DSG1: variants seen among roughly 807,000 people sequenced by gnomAD.
DSG1 encodes desmoglein-1.
A neutral mutation model predicts 97.5 loss-of-function variants in DSG1; 39 were observed. That is an observed-to-expected ratio of 0.40 (90% CI 0.31 to 0.52). The LOEUF is 0.52. DSG1 is among the 20% of genes least tolerant of loss of function. DSG1 has a pLI of 0.53. For missense variants in DSG1, 1,311 were observed against 1,295.4 expected (o/e 1.01, Z -0.18); for synonymous variants, 475 against 443.4 (o/e 1.07, Z -0.90).
chr18:31,329,700 C>A (rs1396142632), intron 4 of DSG1, among the ~76,000 whole-genome samples, 192 bp from the exon 5 acceptor site: 1 of 151,610 alleles, frequency 6.6e-6, no homozygotes, highest in African/African-American at 2.4e-5. Context: ...TAATATAAAC[C>A]CCCATGTAGC....
Position 31,354,697 on chromosome 18 carries a change from A to T in DSG1, c.2501A>T (p.Asn834Ile), listed in dbSNP as rs1253010832. The T allele has an allele frequency of 6.1e-5, 99 of 1,614,108 alleles. No individual in the cohort carries two copies. The highest frequency in any genetic ancestry group is 8.3e-5 in the Non-Finnish European group (98 of 1,180,020). ...KPILDPLGYGNVTVTESYTTS... is the reference protein window; with the variant it reads ...KPILDPLGYGIVTVTESYTTS... ...ATTCTCGATCCTCTGGGCTATGGTAATGTCACTGTGACCGAGTCTTACACC... is the reference window on the plus strand; with the variant it reads ...ATTCTCGATCCTCTGGGCTATGGTATTGTCACTGTGACCGAGTCTTACACC... Residue 834 changes from asparagine (N) to isoleucine (I), a missense_variant, in exon 15 of 15, where the codon AAT (asparagine) becomes ATT (isoleucine). Coordinates refer to ENST00000257192, the MANE Select transcript of DSG1 (RefSeq NM_001942.4).
chr18:31,354,304 A>C lies in DSG1; in HGVS notation c.2108A>C (p.Tyr703Ser), dbSNP rs750155269. ...TTTCTCCTATAAATTCAGAAAGCAT[A>C]TGCTTACGCAGATGAAGATGAAGGA... ...FMESYFCQKA[Y>S]AYADEDEGRP... Residue 703 changes from tyrosine to serine, a missense_variant, in exon 15 of 15, where the codon TAT (tyrosine) becomes TCT (serine). Tyr to Ser is a moderately radical substitution (Grantham distance 144). This residue lies in a region of DSG1 where 1,038 missense variants were observed against 964.6 expected (regional missense o/e 1.08). Coordinates refer to ENST00000257192, the MANE Select transcript of DSG1 (RefSeq NM_001942.4). 3.7e-6 allele frequency: 6 copies of C among 1,613,764 alleles called. No homozygotes were observed. Among genetic ancestry groups the C allele is most frequent in the Non-Finnish European group, 5.1e-6 (6 of 1,179,750 alleles).
At chr18:31,323,640 CA>C (rs920495890) in intron 1 of DSG1, among the ~76,000 whole-genome samples, 5 of 150,920 alleles carry the variant, frequency 3.3e-5, no homozygotes, top group Admixed American at 6.6e-5. Context: ...TACCCTCTCT[CA>C]AAAAAAAATG....
chr18:31,333,584 T>C lies in DSG1; in HGVS notation c.685-5T>C. 2 of 1,613,784 alleles carry C rather than the reference T, an allele frequency of 1.2e-6. No homozygotes were observed. The highest frequency in any genetic ancestry group is 8.5e-7 in the Non-Finnish European group (1 of 1,179,732). ...TGTGATATTGCCTGTAATATGTATTTTTAGCAATACGGCCAGTATGCTCTT... is the reference window on the plus strand; with the variant it reads ...TGTGATATTGCCTGTAATATGTATTCTTAGCAATACGGCCAGTATGCTCTT... On this transcript the variant is annotated splice_polypyrimidine_tract_variant and splice_region_variant and intron_variant, in intron 6 of 14. Coordinates refer to ENST00000257192, the MANE Select transcript of DSG1 (RefSeq NM_001942.4).
chr18:31,339,666 A>G, intron 10 of DSG1, 78 bp from the exon 11 acceptor site: 2 of 1,143,536 alleles, frequency 1.7e-6, no homozygotes, highest in South Asian at 2.9e-5. Context: ...ATGTTAATGT[A>G]AAAAATAATT....
At chr18:31,343,622 C>T (rs1194400214) in intron 12 of DSG1, 39 bp downstream of exon 12, 1 of 1,614,016 alleles carries the variant, frequency 6.2e-7, no homozygotes, top group Non-Finnish European at 8.5e-7. Context: ...TTGGTAGTCA[C>T]TGAAATTCAG....
chr18:31,322,293 C>A (rs2071659108), intron 1 of DSG1, among the ~76,000 whole-genome samples: 1 of 152,180 alleles, frequency 6.6e-6, no homozygotes, highest in Non-Finnish European at 1.5e-5. Flanking sequence ...AGCAGAGGTA[C>A]CACAAGGAAG....
At chr18:31,347,719 C>T (rs1378742307) in intron 14 of DSG1, 1 of 152,122 alleles carries the variant, frequency 6.6e-6, no homozygotes, top group Non-Finnish European at 1.5e-5. Flanking sequence ...TCTTTGATCA[C>T]CTTTAATTTT....
In DSG1 at chr18:31,333,592, T is replaced by C. The variant is rs371339794; in HGVS notation, c.688T>C (p.Tyr230His). The change falls in exon 7 of 15, where the codon TAC becomes CAC. Residue 230 changes from tyrosine (Y) to histidine (H), a missense_variant. Around this residue, in one of 3 missense-constraint regions of DSG1, gnomAD observed 259 missense variants for 304.1 expected, o/e 0.85. Transcript: ENST00000257192. The part of the protein sequence containing the change: ...TMNNFLDREQ[Y>H]GQYALAVRGS... ...TGCCTGTAATATGTATTTTTAGCAA[T>C]ACGGCCAGTATGCTCTTGCTGTAAG... is the stretch of plus-strand genomic sequence containing the variant. 1 of 1,613,834 alleles carries C rather than the reference T, an allele frequency of 6.2e-7. No individual in the cohort carries two copies. Among genetic ancestry groups the C allele is most frequent in the African/African-American group, 1.3e-5 (1 of 75,016 alleles).
At chr18:31,329,840 A>T (rs1009802208) in intron 4 of DSG1, 52 bp from the exon 5 acceptor site, 1 of 1,596,708 alleles carries the variant, frequency 6.3e-7, no homozygotes, top group African/African-American at 1.3e-5. Flanking sequence ...TCAAAGTAAG[A>T]ACTTAATAAA....
chr18:31,340,561 A>AG (rs1363390918), intron 11 of DSG1, among the ~76,000 whole-genome samples: 1 of 151,934 alleles, frequency 6.6e-6, no homozygotes, highest in East Asian at 1.9e-4. Context: ...CTCAAAAAAA[A>AG]AAAAAAGAAA....
chr18:31,322,054 G>A (rs891308678), intron 1 of DSG1, among the ~76,000 whole-genome samples: 2 of 152,148 alleles, frequency 1.3e-5, no homozygotes, highest in South Asian at 4.1e-4. Context: ...TTTTTTAAAT[G>A]CCATTGGCTG....
intron 9 of DSG1, among the ~76,000 whole-genome samples, chr18:31,337,164 C>T (rs1215375783): frequency 1.3e-5 from 2 of 152,208 alleles, no homozygotes. Context: ...GCACATGTAC[C>T]TGTATTTGCA....
Position 31,354,385 on chromosome 18 carries a change from C to T in DSG1, c.2189C>T (p.Ala730Val). The change falls in exon 15 of 15, where the codon GCT becomes GTT. Residue 730 changes from alanine to valine, a missense_variant. Coordinates refer to ENST00000257192, the MANE Select transcript of DSG1 (RefSeq NM_001942.4). The part of the protein sequence containing the change: ...IYDIEGVGSP[A>V]GSVGCCSFIG... ...GACATCGAAGGTGTAGGTTCCCCTGCTGGCTCTGTGGGTTGTTGTAGCTTC... is the reference window on the plus strand; with the variant it reads ...GACATCGAAGGTGTAGGTTCCCCTGTTGGCTCTGTGGGTTGTTGTAGCTTC... 1 of 1,614,192 alleles carries T rather than the reference C, an allele frequency of 6.2e-7. No individual in the cohort carries two copies. The highest frequency in any genetic ancestry group is 8.5e-7 in the Non-Finnish European group (1 of 1,180,034).
intron 5 of DSG1, among the ~76,000 whole-genome samples, chr18:31,330,263 G>A (rs985988728): frequency 1.3e-5 from 2 of 152,144 alleles, no homozygotes; most frequent in African/African-American, 4.8e-5. Context: ...GGCCAGCCCT[G>A]TAGAAGAGTC....
intron 3 of DSG1, 117 bp from the exon 4 acceptor site, chr18:31,328,072 C>T (rs2071697372): frequency 1.9e-6 from 2 of 1,028,282 alleles, no homozygotes; most frequent in Non-Finnish European, 2.8e-6. Flanking sequence ...TCTCCATTGA[C>T]AACATTTCCT....
chr18:31,332,331 A>C (rs551729926), intron 6 of DSG1, among the ~76,000 whole-genome samples: 4 of 152,242 alleles, frequency 2.6e-5, no homozygotes, highest in Non-Finnish European at 5.9e-5. Context: ...AGCTCCATTG[A>C]CAACAGAATT....
chr18:31,331,681 C>A lies in DSG1; in HGVS notation c.518-20C>A. 1 of 1,610,302 alleles carries A rather than the reference C, an allele frequency of 6.2e-7. No individual in the cohort carries two copies. Among genetic ancestry groups the A allele is most frequent in the South Asian group, 1.1e-5 (1 of 90,840 alleles). ...AAAATGTAAATCACCCATTTGCAAT[C>A]AATTTTCCTTAATTTCTAGATACAC... On this transcript the variant is annotated intron_variant, in intron 5 of 14. Coordinates refer to ENST00000257192, the MANE Select transcript of DSG1 (RefSeq NM_001942.4).
rs917456060 is a variant in DSG1, at chr18:31,334,024, T to C, written c.827T>C (p.Ile276Thr). The C allele has an allele frequency of 1.9e-6, 3 of 1,603,488 alleles. No individual in the cohort carries two copies. The highest frequency in any genetic ancestry group is 1.7e-5 in the Admixed American group (1 of 59,986). The part of the protein sequence containing the change: ...IPYMEQSSYT[I>T]EIQENTLNSN... ...TTTCACTTCTTGTTTCAGTATACCA[T>C]AGAAATTCAAGAAAATACTCTAAAT... The change falls in exon 8 of 15, where the codon ATA (isoleucine) becomes ACA (threonine). Residue 276 changes from isoleucine to threonine, a missense_variant. Ile to Thr is a moderately conservative substitution (Grantham distance 89, BLOSUM62 -1). This residue lies in a region of DSG1 where 1,038 missense variants were observed against 964.6 expected (regional missense o/e 1.08). Coordinates refer to ENST00000257192, the MANE Select transcript of DSG1 (RefSeq NM_001942.4).
Sources: allele counts gnomAD v4.1 joint callset (sites outside exome capture counted in the v4.1 genomes callset), GRCh38; gene constraint gnomAD v4.1.1; regional missense constraint gnomAD v4.1.1; transcripts MANE v1.5; gene names NCBI Gene and HGNC (gene_info 2026-07-23, HGNC 2026-07-21).